ASTN2: variants seen among roughly 807,000 people sequenced by gnomAD.
The protein encoded by ASTN2 is astrotactin-2.
A neutral mutation model predicts 139.8 loss-of-function variants in ASTN2; 54 were observed. That is an observed-to-expected ratio of 0.39 (90% CI 0.31 to 0.48). The LOEUF (loss-of-function observed/expected upper bound fraction) is 0.48, where lower values mean the gene tolerates loss of function less well. Among genes scored for constraint, ASTN2 ranks in the 20% least tolerant of loss-of-function variants. ASTN2 has a pLI of 0.95. For synonymous variants in ASTN2, 756 were observed against 719.5 expected, an observed-to-expected ratio of 1.05 and a Z score of -0.81; for missense variants, 1,565 against 1,725.1, an observed-to-expected ratio of 0.91 and a Z score of 1.64.
rs770797527 is a variant in ASTN2, at chr9:116,425,332, G to T, written c.*519C>A. ...GGTCCCACAAACTCAATAATGTCCA[G>T]CAAAAAAGAGAGAGAAGTCCTTAAA... On this transcript the variant is annotated 3_prime_UTR_variant, in exon 23 of 23. Transcript: ENST00000313400. The T allele has an allele frequency of 3.0e-5, 16 of 530,554 alleles. No homozygotes were observed. In the Admixed American group the frequency reaches 5.7e-4, roughly 19 times the overall value. The allele number at this position is 530,554 out of a possible 1,614,324, so 32.9% of individuals were successfully genotyped here.
At chr9:116,532,237 G>C (rs937661293) in intron 19 of ASTN2, among the ~76,000 whole-genome samples, 1 of 152,098 alleles carries the variant, frequency 6.6e-6, no homozygotes, top group Non-Finnish European at 1.5e-5. Flanking sequence ...ATTTGTTTGA[G>C]TTCTTTGTAG....
intron 2 of ASTN2, among the ~76,000 whole-genome samples, chr9:117,235,165 C>T (rs566017287): frequency 6.0e-5 from 9 of 149,606 alleles, no homozygotes; most frequent in East Asian, 2.1e-4. Flanking sequence ...ACCCAGGAGG[C>T]GGAGGTTACA....
chr9:117,168,150 A>G lies in ASTN2; in HGVS notation c.1016-26672T>C, dbSNP rs541491261. Among the ~76,000 whole-genome samples the G allele has an allele frequency of 2.6e-4, 40 of 152,198 alleles. 1 individual carries two copies. The highest frequency in any genetic ancestry group is 2.5e-3 in the Admixed American group (38 of 15,270). ...AGATAAGAGGATAGTGGGAGGAACTAAGAAGCTGGTGGGAGGAGCTAAAAC... is the reference window on the plus strand; with the variant it reads ...AGATAAGAGGATAGTGGGAGGAACTGAGAAGCTGGTGGGAGGAGCTAAAAC... On this transcript the variant is annotated intron_variant, in intron 3 of 22. Coordinates refer to ENST00000313400, the MANE Select transcript of ASTN2 (RefSeq NM_001365068.1).
chr9:116,707,862 A>G (rs1413112555), intron 16 of ASTN2, among the ~76,000 whole-genome samples: 6 of 152,198 alleles, frequency 3.9e-5, no homozygotes, highest in Admixed American at 3.3e-4. Flanking sequence ...TAGTTAACTG[A>G]GGATATTTTA....
intron 19 of ASTN2, among the ~76,000 whole-genome samples, chr9:116,595,380 T>G (rs1854522597): frequency 6.6e-6 from 1 of 152,130 alleles, no homozygotes; most frequent in African/African-American, 2.4e-5. Flanking sequence ...CAGGCTGGAG[T>G]GCAGTGGTGT....
At chr9:116,600,096 G>C (rs1273129481) in intron 19 of ASTN2, among the ~76,000 whole-genome samples, 1 of 152,038 alleles carries the variant, frequency 6.6e-6, no homozygotes, top group Non-Finnish European at 1.5e-5. Flanking sequence ...GTCAAGGTGG[G>C]TGGATCACTT....
intron 16 of ASTN2, among the ~76,000 whole-genome samples, chr9:116,683,929 G>A (rs535563144): frequency 1.3e-5 from 2 of 152,304 alleles, no homozygotes; most frequent in South Asian, 2.1e-4. Context: ...CAAAATTAAT[G>A]TATAGAGCCA....
At chr9:117,256,400 A>G (rs1588138826) in intron 2 of ASTN2, among the ~76,000 whole-genome samples, 1 of 152,170 alleles carries the variant, frequency 6.6e-6, no homozygotes, top group African/African-American at 2.4e-5. Flanking sequence ...AGATTTTACT[A>G]TATCTCACAC....
At chr9:116,915,394 C>T (rs1371702490) in intron 10 of ASTN2, among the ~76,000 whole-genome samples, 2 of 152,098 alleles carry the variant, frequency 1.3e-5, no homozygotes, top group African/African-American at 4.8e-5. Context: ...GCCTCAAGTT[C>T]CTGACATAGA....
chr9:116,967,957 C>A (rs1836065112), intron 10 of ASTN2, among the ~76,000 whole-genome samples: 1 of 152,240 alleles, frequency 6.6e-6, no homozygotes, highest in Non-Finnish European at 1.5e-5. Flanking sequence ...CACGGACACA[C>A]TGCATCACAT....
chr9:116,474,912 G>T (rs1848929503), intron 20 of ASTN2, among the ~76,000 whole-genome samples: 1 of 152,110 alleles, frequency 6.6e-6, no homozygotes, highest in African/African-American at 2.4e-5. Context: ...TTCCTGACAA[G>T]GAACCCTAAA....
At chr9:117,331,123 G>A (rs1587954293) in intron 1 of ASTN2, among the ~76,000 whole-genome samples, 1 of 152,194 alleles carries the variant, frequency 6.6e-6, no homozygotes, top group Non-Finnish European at 1.5e-5. Context: ...GTATTTGATA[G>A]TGAAGACTCT....
Position 116,498,421 on chromosome 9 carries a change from AAAAAAAAC to A in ASTN2, c.3356-10929_3356-10922del, listed in dbSNP as rs542804275. Reference sequence around the variant, plus strand: ...ACAGCATAGCAAGACCCCATCTCTAAAAAAAAACAAAAAACAAAAAACAAAAAACAGCC... The same window carrying A: ...ACAGCATAGCAAGACCCCATCTCTAAAAAAAACAAAAAACAAAAAACAGCC... On this transcript the variant is annotated intron_variant, in intron 19 of 22. Coordinates refer to ENST00000313400, the MANE Select transcript of ASTN2 (RefSeq NM_001365068.1). Among the ~76,000 whole-genome samples the A allele has an allele frequency of 1.6e-4, 23 of 146,790 alleles. No homozygotes were observed. The South Asian group carries it at 4.7e-3, about 30-fold the overall frequency.
chr9:116,997,367 C>T (rs1837055665), intron 7 of ASTN2, among the ~76,000 whole-genome samples: 1 of 152,148 alleles, frequency 6.6e-6, no homozygotes, highest in African/African-American at 2.4e-5. Flanking sequence ...ATCAAGACTA[C>T]CAAACAGAGA....
chr9:116,774,600 C>T (rs1374522534), intron 13 of ASTN2, among the ~76,000 whole-genome samples: 1 of 152,156 alleles, frequency 6.6e-6, no homozygotes, highest in East Asian at 1.9e-4. Flanking sequence ...CACTAGGTGA[C>T]CCAGTTGGTA....
At chr9:116,928,976 C>T (rs1026652359) in intron 10 of ASTN2, among the ~76,000 whole-genome samples, 6 of 152,182 alleles carry the variant, frequency 3.9e-5, no homozygotes, top group African/African-American at 1.4e-4. Flanking sequence ...CATTAAATGG[C>T]AGAATCAAAA....
chr9:116,436,948 C>G (rs1588056165), intron 22 of ASTN2, among the ~76,000 whole-genome samples: 4 of 151,568 alleles, frequency 2.6e-5, no homozygotes, highest in Admixed American at 2.6e-4. Context: ...TCTCAGTAAA[C>G]TGTCGCAAGA....
chr9:116,744,645 A>G (rs2132143651), intron 13 of ASTN2, among the ~76,000 whole-genome samples: 1 of 152,112 alleles, frequency 6.6e-6, no homozygotes, highest in African/African-American at 2.4e-5. Flanking sequence ...GAGTCATGGG[A>G]TATATTGAGC....
At chr9:117,345,966 G>A (rs1294090768) in intron 1 of ASTN2, among the ~76,000 whole-genome samples, 2 of 138,116 alleles carry the variant, frequency 1.4e-5, no homozygotes, top group Non-Finnish European at 1.5e-5. Flanking sequence ...GCCCATTCTG[G>A]CCTATATTTT....
Sources: gnomAD v4.1 joint callset for allele counts (sites outside exome capture counted in the v4.1 genomes callset) on GRCh38, gnomAD v4.1.1 for gene constraint, MANE v1.5 for transcripts, NCBI Gene and HGNC (gene_info 2026-07-23, HGNC 2026-07-21) for gene names.